Variants in CCDC93 observed in about 807,000 individuals in gnomAD.
CCDC93 encodes coiled-coil domain-containing protein 93.
Under a neutral mutation model 108.2 loss-of-function variants are expected in CCDC93, and 61 were observed. The ratio of observed to expected loss-of-function variants is 0.56; its 90% CI spans 0.46 to 0.70. CCDC93 has a LOEUF of 0.70. Ranked by LOEUF, CCDC93 falls within the 30% of genes least tolerant of loss-of-function variation. CCDC93 has a pLI of 0.00. For synonymous variants in CCDC93, 276 were observed against 260.4 expected (o/e 1.06, Z -0.58); for missense variants, 685 against 764.2 (o/e 0.90, Z 1.22).
chr2:117,927,392 T>G (rs1002745717), intron 23 of CCDC93, among the ~76,000 whole-genome samples: 1 of 152,166 alleles, frequency 6.6e-6, no homozygotes, highest in Non-Finnish European at 1.5e-5. Flanking sequence ...GCCCAAAATC[T>G]CCTTAAGCTG....
intron 23 of CCDC93, among the ~76,000 whole-genome samples, chr2:117,923,476 C>A (rs79904197): frequency 1.3e-5 from 2 of 152,220 alleles, no homozygotes; most frequent in African/African-American, 2.4e-5. Flanking sequence ...ATATCCCGCG[C>A]CTGCCTCAGA....
chr2:117,965,009 TAAA>T (rs947100136), intron 11 of CCDC93, among the ~76,000 whole-genome samples: 2 of 152,256 alleles, frequency 1.3e-5, no homozygotes, highest in African/African-American at 4.8e-5. Flanking sequence ...AATACAAAGA[TAAA>T]AAATGAAATA....
At chr2:117,937,517 C>A (rs2104724080) in intron 20 of CCDC93, among the ~76,000 whole-genome samples, 1 of 152,268 alleles carries the variant, frequency 6.6e-6, no homozygotes, top group Middle Eastern at 3.4e-3. Flanking sequence ...AAATAAAATA[C>A]CAAATTTATT....
rs532484084 is a variant in CCDC93 at position 117,946,291 on chromosome 2, C to T, written c.1296+520G>A. Among the ~76,000 whole-genome samples, 69 of 152,312 alleles carry T rather than the reference C, an allele frequency of 4.5e-4. No homozygotes were observed. The Middle Eastern group carries it at 0.017, about 38-fold the overall frequency. On this transcript the variant is annotated intron_variant, in intron 16 of 23. Transcript: ENST00000376300. ...AAGGTTCAGTGAAAATTCATGCTAG[C>T]TCCTTGGAAGATCAAGTCCTCTGTT...
intron 23 of CCDC93, among the ~76,000 whole-genome samples, chr2:117,924,815 G>C (rs1301184788): frequency 6.6e-6 from 1 of 152,124 alleles, no homozygotes; most frequent in Non-Finnish European, 1.5e-5. Flanking sequence ...GCAACTCCAA[G>C]ACACATAATT....
intron 3 of CCDC93, among the ~76,000 whole-genome samples, chr2:118,004,199 G>A (rs564646432): frequency 1.8e-4 from 28 of 152,304 alleles, no homozygotes; most frequent in African/African-American, 6.0e-4. Context: ...TACTCAAAGC[G>A]GTAGTGAAGG....
chr2:117,967,474 T>G (rs1045022871), intron 11 of CCDC93, among the ~76,000 whole-genome samples: 1 of 152,176 alleles, frequency 6.6e-6, no homozygotes, highest in African/African-American at 2.4e-5. Flanking sequence ...CGTGGTTAGT[T>G]CCCGGTATGC....
chr2:117,925,428 T>G (rs1016853156), intron 23 of CCDC93, among the ~76,000 whole-genome samples: 201 of 152,126 alleles, frequency 1.3e-3, no homozygotes, highest in African/African-American at 4.6e-3. Flanking sequence ...TGGAGGAAGA[T>G]CTACCAAGCA....
chr2:118,013,697 G>A (rs564881578), intron 1 of CCDC93, among the ~76,000 whole-genome samples: 1 of 151,950 alleles, frequency 6.6e-6, no homozygotes, highest in Admixed American at 6.5e-5. Flanking sequence ...CAGGTGTCGG[G>A]CTAGGAAGGC....
At chr2:117,928,930 AT>A (rs1358184781) in intron 23 of CCDC93, among the ~76,000 whole-genome samples, 1 of 152,238 alleles carries the variant, frequency 6.6e-6, no homozygotes, top group African/African-American at 2.4e-5. Flanking sequence ...CTATGCAGCC[AT>A]AAAAAAGGAT....
In CCDC93 at chr2:117,975,305, C is replaced by T. The variant is rs1679905884; in HGVS notation, c.658-25G>A. 3.9e-6 allele frequency: 6 copies of T among 1,553,170 alleles called. No individual in the cohort carries two copies. In the African/African-American group the frequency reaches 6.8e-5, roughly 18 times the overall value. On this transcript the variant is annotated intron_variant, in intron 8 of 23. Transcript: ENST00000376300. ...CCTGCAAGGGAAGATGTGAAAACAGCTGAGCACGGGAGATGGAGACTCAGT... is the reference window on the plus strand; with the variant it reads ...CCTGCAAGGGAAGATGTGAAAACAGTTGAGCACGGGAGATGGAGACTCAGT...
intron 11 of CCDC93, among the ~76,000 whole-genome samples, chr2:117,966,274 A>G (rs1679570667): frequency 6.6e-6 from 1 of 152,240 alleles, no homozygotes; most frequent in South Asian, 2.1e-4. Context: ...GCCATGACAG[A>G]CAGAGGACAG....
intron 11 of CCDC93, among the ~76,000 whole-genome samples, chr2:117,972,525 C>A (rs1679798060): frequency 6.6e-6 from 1 of 152,058 alleles, no homozygotes; most frequent in Non-Finnish European, 1.5e-5. Flanking sequence ...GGGGGCTCTG[C>A]CTGCCTGCTT....
At chr2:118,006,036 T>G (rs1473296367) in intron 3 of CCDC93, among the ~76,000 whole-genome samples, 1 of 152,166 alleles carries the variant, frequency 6.6e-6, no homozygotes, top group Non-Finnish European at 1.5e-5. Flanking sequence ...CCCACTTTTT[T>G]TTCCCCCTTT....
rs183676025 is a variant in CCDC93 at position 117,917,305 on chromosome 2, G to C, written c.*3038C>G. 79 of 152,830 alleles carry C rather than the reference G, an allele frequency of 5.2e-4. No homozygotes were observed. The highest frequency in any genetic ancestry group is 1.8e-3 in the African/African-American group (76 of 41,568). The allele number at this position is 152,830 out of a possible 1,614,324, so 9.5% of individuals were successfully genotyped here. ...ACAACATCAACAACGTCACAACCCT[G>C]AGGTCTGAGGTCCCGGGCATGGCAC... On this transcript the variant is annotated 3_prime_UTR_variant, in exon 24 of 24. Transcript: ENST00000376300.
rs1012855915 is a variant in CCDC93, at chr2:117,944,004, T to C, written c.1413+20A>G. 4 of 1,546,890 alleles carry C rather than the reference T, an allele frequency of 2.6e-6. No homozygotes were observed. In the African/African-American group the frequency reaches 5.5e-5, roughly 21 times the overall value. On this transcript the variant is annotated intron_variant, in intron 18 of 23. Transcript: ENST00000376300. ...CTAGTTAGAAGCATTTATGCATATT[T>C]TTGTCCTTCTTTTACTCACCTGTAG...
intron 4 of CCDC93, chr2:117,997,748 C>T (rs893950765): frequency 3.3e-5 from 5 of 152,192 alleles, no homozygotes; most frequent in Non-Finnish European, 2.9e-5. Flanking sequence ...CGATTGTAGT[C>T]CCTCACCTGT....
intron 6 of CCDC93, among the ~76,000 whole-genome samples, chr2:117,993,001 T>C (rs751561136): frequency 2.6e-5 from 4 of 152,192 alleles, no homozygotes; most frequent in African/African-American, 4.8e-5. Flanking sequence ...ACAGCTATGC[T>C]GGCTTTTGCT....
At chr2:117,925,380 T>A (rs1325043016) in intron 23 of CCDC93, among the ~76,000 whole-genome samples, 1 of 152,110 alleles carries the variant, frequency 6.6e-6, no homozygotes, top group Non-Finnish European at 1.5e-5. Flanking sequence ...GAAACCCATC[T>A]CATATGCAGA....
Sources: gnomAD v4.1 joint callset for allele counts (sites outside exome capture counted in the v4.1 genomes callset) on GRCh38, gnomAD v4.1.1 for gene constraint, MANE v1.5 for transcripts, NCBI Gene and HGNC (gene_info 2026-07-23, HGNC 2026-07-21) for gene names.